JAK2: variants seen among roughly 807,000 people sequenced by gnomAD.
JAK2 encodes the protein tyrosine-protein kinase JAK2.
In JAK2, 86 loss-of-function variants were observed where a neutral mutation model predicts 139.3. That is an observed-to-expected ratio of 0.62 (90% CI 0.52 to 0.74). JAK2 has a LOEUF of 0.74. Ranked by LOEUF, JAK2 falls within the 30% of genes least tolerant of loss-of-function variation. The pLI is 0.00. For synonymous variants in JAK2, 490 were observed against 437.7 expected (o/e 1.12, Z -1.49); for missense variants, 1,421 against 1,360.3 (o/e 1.04, Z -0.70).
Position 5,089,771 on chromosome 9 carries a change from A to G in JAK2, c.2669A>G (p.Glu890Gly), listed in dbSNP as rs368599778. ...AAAAAGCTTCAGCATAGTACTGAAG[A>G]GCACCTAAGAGACTTTGAAAGGGAA... ...AVKKLQHSTE[E>G]HLRDFEREIE... Residue 890 changes from glutamate (E) to glycine (G), a missense_variant, in exon 20 of 25, where the codon GAG becomes GGG. Glu to Gly is a moderately conservative substitution (Grantham distance 98). Coordinates refer to ENST00000381652, the MANE Select transcript of JAK2 (RefSeq NM_004972.4). The G allele has an allele frequency of 1.0e-4, 162 of 1,599,060 alleles. No individual in the cohort carries two copies. The highest frequency in any genetic ancestry group is 3.9e-4 in the Admixed American group (23 of 58,330).
chr9:5,125,198 A>G lies in JAK2; in HGVS notation c.3178-1135A>G, dbSNP rs189781344. Among the ~76,000 whole-genome samples, 1,017 of 151,288 alleles carry G rather than the reference A, an allele frequency of 6.7e-3. 14 individuals are homozygous for G. The highest frequency in any genetic ancestry group is 0.023 in the African/African-American group (971 of 41,464). On this transcript the variant is annotated intron_variant, in intron 23 of 24. Coordinates refer to ENST00000381652, the MANE Select transcript of JAK2 (RefSeq NM_004972.4). ...ACCTTTCAGGCTTCATTTTGTGTATAAAAGTATATACAAAGAAGTATATAA... is the reference window on the plus strand; with the variant it reads ...ACCTTTCAGGCTTCATTTTGTGTATGAAAGTATATACAAAGAAGTATATAA...
chr9:5,120,116 A>G (rs1323409490), intron 22 of JAK2, among the ~76,000 whole-genome samples: 3 of 152,248 alleles, frequency 2.0e-5, no homozygotes, highest in Admixed American at 6.5e-5. Context: ...GCGTCTGGTG[A>G]GAGCTGCTCT....
chr9:5,043,981 A>C (rs1420330092), intron 4 of JAK2, among the ~76,000 whole-genome samples: 1 of 152,240 alleles, frequency 6.6e-6, no homozygotes, highest in African/African-American at 2.4e-5. Context: ...TGTTACTAAA[A>C]GACAATATAG....
intron 3 of JAK2, among the ~76,000 whole-genome samples, chr9:5,026,027 C>T (rs1043936924): frequency 2.6e-4 from 40 of 151,918 alleles, no homozygotes; most frequent in Non-Finnish European, 5.1e-4. Flanking sequence ...TTCTTATTAT[C>T]CTTGACAAAG....
intron 19 of JAK2, chr9:5,086,115 G>A (rs943440785): frequency 4.4e-6 from 2 of 458,218 alleles, no homozygotes; most frequent in African/African-American, 2.1e-5. Context: ...CGCGGGCATC[G>A]GCAGCGGCGC....
chr9:5,062,932 C>G (rs57299248), intron 8 of JAK2, among the ~76,000 whole-genome samples: 60,100 of 151,874 alleles, frequency 0.4, 14,213 homozygotes, highest in African/African-American at 0.67. Flanking sequence ...TTGTTTTATA[C>G]GTTTTATTCC....
chr9:5,103,055 A>T (rs1821637795), intron 22 of JAK2, among the ~76,000 whole-genome samples: 1 of 151,974 alleles, frequency 6.6e-6, no homozygotes, highest in African/African-American at 2.4e-5. Flanking sequence ...TATTAACCTT[A>T]AATGTAAATG....
intron 2 of JAK2, among the ~76,000 whole-genome samples, chr9:4,998,021 CATT>C (rs1820682504): frequency 6.6e-6 from 1 of 152,172 alleles, no homozygotes; most frequent in African/African-American, 2.4e-5. Context: ...TTTTAAAAAT[CATT>C]ATGAGCTTAA....
intron 2 of JAK2, among the ~76,000 whole-genome samples, chr9:5,020,915 G>A (rs745977812): frequency 3.3e-5 from 5 of 152,222 alleles, no homozygotes; most frequent in East Asian, 1.9e-4. Flanking sequence ...AAATGGCACC[G>A]TGCTGTAGCT....
intron 2 of JAK2, among the ~76,000 whole-genome samples, chr9:4,998,110 C>T (rs574999936): frequency 6.6e-6 from 1 of 152,172 alleles, no homozygotes; most frequent in African/African-American, 2.4e-5. Context: ...ATTTCACGAG[C>T]AGAATTAATT....
rs764899558 is a variant in JAK2, at chr9:5,065,024, T to G, written c.1198T>G (p.Cys400Gly). The G allele has an allele frequency of 6.3e-6, 10 of 1,590,084 alleles. No individual in the cohort carries two copies. The highest frequency in any genetic ancestry group is 1.4e-5 in the African/African-American group (1 of 73,858). Residue 400 changes from cysteine (C) to glycine (G), a missense_variant, in exon 9 of 25, where the codon TGT becomes GGT. Transcript: ENST00000381652. ...PAVLENIQSNCHGPISMDFAI... is the reference protein window; with the variant it reads ...PAVLENIQSNGHGPISMDFAI... ...CGTGCTTGAAAATATACAAAGCAAC[T>G]GTCATGGCCCAATTTCGTGAGTAAT...
chr9:5,013,552 A>G (rs78885624), intron 2 of JAK2, among the ~76,000 whole-genome samples: 427 of 152,268 alleles, frequency 2.8e-3, no homozygotes, highest in African/African-American at 9.9e-3. Context: ...ATCCAGCCAA[A>G]CTTGTCTCTA....
At chr9:5,011,205 A>G (rs1432744977) in intron 2 of JAK2, among the ~76,000 whole-genome samples, 1 of 151,598 alleles carries the variant, frequency 6.6e-6, no homozygotes, top group Non-Finnish European at 1.5e-5. Flanking sequence ...CCTCTGTTCC[A>G]CTTATATGTA....
intron 8 of JAK2, among the ~76,000 whole-genome samples, chr9:5,059,303 A>G (rs1457313225): frequency 6.6e-6 from 1 of 152,178 alleles, no homozygotes; most frequent in African/African-American, 2.4e-5. Context: ...AGGTTGTATA[A>G]ATGGAATGAT....
chr9:5,101,700 T>TTGGC (rs1450530864), intron 22 of JAK2, among the ~76,000 whole-genome samples: 2 of 152,188 alleles, frequency 1.3e-5, no homozygotes, highest in Non-Finnish European at 2.9e-5. Context: ...GGCAGCAACA[T>TTGGC]TGGCTGTTCT....
chr9:5,040,425 C>T (rs1002119119), intron 4 of JAK2, among the ~76,000 whole-genome samples: 1 of 152,092 alleles, frequency 6.6e-6, no homozygotes, highest in African/African-American at 2.4e-5. Flanking sequence ...ACCAAAAGCT[C>T]AAGTGACAAA....
intron 3 of JAK2, among the ~76,000 whole-genome samples, chr9:5,022,783 C>A (rs903531461): frequency 2.0e-5 from 3 of 152,150 alleles, no homozygotes; most frequent in Admixed American, 6.5e-5. Flanking sequence ...TTTTACTAGA[C>A]CACTGAGGTT....
intron 2 of JAK2, among the ~76,000 whole-genome samples, chr9:4,991,692 C>A (rs573876003): frequency 2.2e-5 from 3 of 137,124 alleles, no homozygotes; most frequent in Non-Finnish European, 4.7e-5. Flanking sequence ...TTCCCACCCC[C>A]CCACCCCACA....
In JAK2 at chr9:5,089,679, T is replaced by C. The variant is rs138860403; in HGVS notation, c.2577T>C (p.Asn859=). 156 of 1,370,946 alleles carry C rather than the reference T, an allele frequency of 1.1e-4. No homozygotes were observed. The African/African-American group carries it at 2.1e-3, about 18-fold the overall frequency. The allele number at this position is 1,370,946 out of a possible 1,614,324, so 84.9% of individuals were successfully genotyped here. ...LKFLQQLGKG[N]FGSVEMCRYD... is the part of the protein sequence containing the mutation. Reference sequence around the variant, plus strand: ...TAATGTGATGTGTCATTTAGGGTAATTTTGGGAGTGTGGAGATGTGCCGGT... The same window carrying C: ...TAATGTGATGTGTCATTTAGGGTAACTTTGGGAGTGTGGAGATGTGCCGGT... Residue 859 remains asparagine, a synonymous_variant, in exon 20 of 25, where the codon AAT becomes AAC. Transcript: ENST00000381652.
Sources: gnomAD v4.1 joint callset for allele counts (sites outside exome capture counted in the v4.1 genomes callset) on GRCh38, gnomAD v4.1.1 for gene constraint, MANE v1.5 for transcripts, NCBI Gene and HGNC (gene_info 2026-07-23, HGNC 2026-07-21) for gene names.